Variants in RTKN2 observed in about 807,000 individuals in gnomAD.
RTKN2 encodes the protein rhotekin-2.
Under a neutral mutation model 71.5 loss-of-function variants are expected in RTKN2, and 69 were observed. The ratio of observed to expected loss-of-function variants is 0.96; its 90% CI spans 0.79 to 1.18. RTKN2 has a LOEUF of 1.18. Among genes scored for constraint, RTKN2 ranks in the 50% most tolerant of loss-of-function variants. RTKN2 has a pLI of 0.00. For synonymous variants in RTKN2, 236 were observed against 236.5 expected, an observed-to-expected ratio of 1.00 and a Z score of 0.02; for missense variants, 724 against 719.7, an observed-to-expected ratio of 1.01 and a Z score of -0.07.
intron 6 of RTKN2, 119 bp from the exon 7 acceptor site, chr10:62,223,451 G>T: frequency 1.7e-6 from 1 of 605,728 alleles, no homozygotes; most frequent in Non-Finnish European, 3.0e-6. Context: ...CAAAGGACGT[G>T]AATAGACATT....
intron 4 of RTKN2, among the ~76,000 whole-genome samples, chr10:62,240,858 T>C (rs1299832120): frequency 6.6e-6 from 1 of 152,230 alleles, no homozygotes; most frequent in Non-Finnish European, 1.5e-5. Context: ...ACATTTTCTT[T>C]TGTTCCATAT....
intron 9 of RTKN2, among the ~76,000 whole-genome samples, chr10:62,214,122 G>A (rs1020683692): frequency 1.3e-5 from 2 of 151,670 alleles, no homozygotes; most frequent in African/African-American, 4.8e-5. Context: ...TGCAAAGAAG[G>A]AAAACAGAAT....
At chr10:62,258,879 T>TA (rs1175724409) in intron 2 of RTKN2, among the ~76,000 whole-genome samples, 6 of 151,984 alleles carry the variant, frequency 3.9e-5, no homozygotes, top group African/African-American at 9.7e-5. Context: ...GAGATGGAGG[T>TA]ACATGGGTTT....
At chr10:62,228,132 T>C (rs1487932574) in intron 6 of RTKN2, among the ~76,000 whole-genome samples, 1 of 152,160 alleles carries the variant, frequency 6.6e-6, no homozygotes, top group Non-Finnish European at 1.5e-5. Context: ...GTATTGGAGA[T>C]ATAAATTTGG....
At chr10:62,184,329 A>G (rs1433305311) in exon 9 of RTKN2, 16 of 1,536,632 alleles carry the variant, frequency 1.0e-5, no homozygotes, top group Non-Finnish European at 1.4e-5. Flanking sequence ...AAGCTATGTG[A>G]AGAGGAATTT....
chr10:62,217,789 A>T (rs1841807594), intron 8 of RTKN2, among the ~76,000 whole-genome samples: 1 of 152,186 alleles, frequency 6.6e-6, no homozygotes, highest in Non-Finnish European at 1.5e-5. Context: ...GTTATAAATA[A>T]ATCAGCAGTA....
chr10:62,191,690 C>G (rs376002578), downstream of RTKN2, among the ~76,000 whole-genome samples: 1 of 152,142 alleles, frequency 6.6e-6, no homozygotes, highest in Non-Finnish European at 1.5e-5. Flanking sequence ...CCGGAATTCA[C>G]GTGAGCTTAA....
chr10:62,268,394 C>A (rs1476302044), intron 1 of RTKN2, among the ~76,000 whole-genome samples, 157 bp downstream of exon 1: 3 of 152,280 alleles, frequency 2.0e-5, no homozygotes, highest in Non-Finnish European at 4.4e-5. Context: ...TTTAGAGCCC[C>A]AAGAGCGCAG....
chr10:62,196,462 T>C lies in RTKN2; in HGVS notation c.*1446A>G, dbSNP rs1841333567. On this transcript the variant is annotated 3_prime_UTR_variant, in exon 12 of 12. Coordinates refer to ENST00000373789, the MANE Select transcript of RTKN2 (RefSeq NM_145307.4). Reference sequence around the variant, plus strand: ...GTCCTGGGCAAACACAAAAGTGTCCTGGCAGTTACATCATTCTCTATAAAT... The same window carrying C: ...GTCCTGGGCAAACACAAAAGTGTCCCGGCAGTTACATCATTCTCTATAAAT... 1.0e-6 allele frequency: 1 copy of C among 985,258 alleles called. No homozygotes were observed. Among genetic ancestry groups the C allele is most frequent in the Non-Finnish European group, 1.2e-6 (1 of 829,880 alleles). The allele number at this position is 985,258 out of a possible 1,614,324, so 61.0% of individuals were successfully genotyped here.
intron 6 of RTKN2, 23 bp downstream of exon 6, chr10:62,236,043 T>C: frequency 6.8e-7 from 1 of 1,477,714 alleles, no homozygotes; most frequent in African/African-American, 1.4e-5. Flanking sequence ...TATGTCACCA[T>C]AAATACAGTA....
chr10:62,199,798 G>A lies in RTKN2; in HGVS notation c.1250C>T (p.Pro417Leu). 6.2e-7 allele frequency: 1 copy of A among 1,613,602 alleles called. No homozygotes were observed. The highest frequency in any genetic ancestry group is 8.5e-7 in the Non-Finnish European group (1 of 1,179,684). ...GGTTGCCTCTTTTGTCAAGAACAAA[G>A]GTGGTTTCCGTGGTGACATAATCTC... is the stretch of plus-strand genomic sequence containing the variant. ...KIEIMSPRKP[P>L]LFLTKEATSV... The change falls in exon 11 of 12, where the codon CCT becomes CTT. Residue 417 changes from proline to leucine, a missense_variant. Physicochemically the swap from Pro to Leu is moderately conservative, Grantham distance 98 (BLOSUM62 -3). Transcript: ENST00000373789.
chr10:62,200,380 A>AAAAAAAG (rs1564499046), intron 10 of RTKN2, among the ~76,000 whole-genome samples: 2 of 150,892 alleles, frequency 1.3e-5, no homozygotes, highest in East Asian at 1.9e-4. Context: ...AAAAAAAAAA[A>AAAAAAAG]AAAAAAGAAA....
chr10:62,217,272 C>T, intron 8 of RTKN2, 23 bp from the exon 9 acceptor site: 2 of 1,406,562 alleles, frequency 1.4e-6, no homozygotes, highest in South Asian at 1.5e-5. Flanking sequence ...AAAAAAAAAT[C>T]AAGAGACTAT....
At chr10:62,255,867 A>G (rs1842664810) in intron 2 of RTKN2, among the ~76,000 whole-genome samples, 1 of 152,216 alleles carries the variant, frequency 6.6e-6, no homozygotes, top group African/African-American at 2.4e-5. Context: ...CTAGAAAAAA[A>G]TGTTTAACTT....
chr10:62,188,160 C>T (rs1296180763), downstream of RTKN2, among the ~76,000 whole-genome samples: 2 of 152,166 alleles, frequency 1.3e-5, no homozygotes, highest in Admixed American at 1.3e-4. Flanking sequence ...AATTTAGGAG[C>T]GGCTTAGCCA....
At chr10:62,209,683 T>C (rs1027042337) in intron 9 of RTKN2, among the ~76,000 whole-genome samples, 4 of 152,150 alleles carry the variant, frequency 2.6e-5, no homozygotes, top group Non-Finnish European at 4.4e-5. Context: ...TTCTCATCAT[T>C]TAGCTCTCAC....
intron 8 of RTKN2, among the ~76,000 whole-genome samples, chr10:62,187,260 T>C (rs1841151296): frequency 6.6e-6 from 1 of 150,744 alleles, no homozygotes. Context: ...AAGGAACACT[T>C]TTGGCATCAC....
At chr10:62,216,408 A>T (rs938644311) in intron 9 of RTKN2, among the ~76,000 whole-genome samples, 8 of 152,090 alleles carry the variant, frequency 5.3e-5, no homozygotes, top group African/African-American at 1.4e-4. Flanking sequence ...GCTCTAAAAA[A>T]TGAGGAAAGA....
At chr10:62,199,126 C>T (rs1255955594) in intron 11 of RTKN2, among the ~76,000 whole-genome samples, 1 of 152,070 alleles carries the variant, frequency 6.6e-6, no homozygotes, top group Non-Finnish European at 1.5e-5. Context: ...TCATTTTTAA[C>T]CTGACATTTT....
Sources: allele counts gnomAD v4.1 joint callset (sites outside exome capture counted in the v4.1 genomes callset), GRCh38; gene constraint gnomAD v4.1.1; transcripts MANE v1.5; gene names NCBI Gene and HGNC (gene_info 2026-07-23, HGNC 2026-07-21).